TAPBP: variants seen among roughly 807,000 people sequenced by gnomAD.
TAPBP encodes tapasin.
TAPBP carries 38 observed loss-of-function variants against 45.7 expected under a neutral mutation model. That is an observed-to-expected ratio of 0.83 (90% CI 0.64 to 1.09). The LOEUF (loss-of-function observed/expected upper bound fraction) is 1.09. Among genes scored for constraint, TAPBP ranks in the 50% least tolerant of loss-of-function variants. The pLI is 0.00. For synonymous variants in TAPBP, 226 were observed against 254.8 expected (o/e 0.89, Z 1.08); for missense variants, 513 against 587.3 (o/e 0.87, Z 1.31).
chr6:33,313,640 G>C lies in TAPBP; in HGVS notation c.208+54C>G. On this transcript the variant is annotated intron_variant, in intron 2 of 7. Coordinates refer to ENST00000434618, the MANE Select transcript of TAPBP (RefSeq NM_003190.5). This position sits in a 1 kb window ranked among gnomAD's most constrained non-coding sequence, Gnocchi z 7.2. ...GTCACTGCCGGATCTAAAGAGGAGG[G>C]GGTTTCGGTGGAGGCGACAGAGGTA... 1.9e-6 allele frequency: 3 copies of C among 1,579,340 alleles called. No homozygotes were observed. Among genetic ancestry groups the C allele is most frequent in the South Asian group, 2.3e-5 (2 of 87,360 alleles).
chr6:33,313,675 C>T lies in TAPBP; in HGVS notation c.208+19G>A. 1.3e-6 allele frequency: 2 copies of T among 1,598,096 alleles called. No individual in the cohort carries two copies. Among genetic ancestry groups the T allele is most frequent in the Non-Finnish European group, 1.7e-6 (2 of 1,168,876 alleles). On this transcript the variant is annotated intron_variant, in intron 2 of 7. Transcript: ENST00000434618. This position sits in a 1 kb window ranked among gnomAD's most constrained non-coding sequence, Gnocchi z 7.2. ...GGAGGCGACAGAGGTAGGGGGGCGG[C>T]GAGTCCCTAGAGACTCACCGTGTAC...
rs3173275 is a variant in TAPBP at position 33,303,717 on chromosome 6, T to C, written c.1335+238A>G. 8.8e-3 allele frequency: 13,619 copies of C among 1,539,604 alleles called. 1,037 individuals carry two copies. In the African/African-American group the frequency reaches 0.16, roughly 18 times the overall value. On this transcript the variant is annotated intron_variant, in intron 7 of 7. Coordinates refer to ENST00000434618, the MANE Select transcript of TAPBP (RefSeq NM_003190.5). ...ATATGTGGCTTGCATTATCTTTCTA[T>C]TGGACAGCACTGCCTAAGTAACTTT...
chr6:33,313,180 A>C lies in TAPBP; in HGVS notation c.469+37T>G. ...CCACCGGCTGATCTGGACCCTTAGA[A>C]TCTACCCACCCTTCTCCACCTCCCC... is the stretch of plus-strand genomic sequence containing the variant. On this transcript the variant is annotated intron_variant, in intron 3 of 7. Transcript: ENST00000434618. The surrounding 1 kb of genome is among the most constrained non-coding windows in gnomAD (Gnocchi z 7.2). The C allele has an allele frequency of 6.3e-7, 1 of 1,580,320 alleles. No individual in the cohort carries two copies. The highest frequency in any genetic ancestry group is 8.6e-7 in the Non-Finnish European group (1 of 1,157,438).
chr6:33,304,252 C>G, intron 5 of TAPBP, 35 bp from the exon 6 acceptor site: 2 of 1,608,796 alleles, frequency 1.2e-6, no homozygotes, highest in East Asian at 4.5e-5. Context: ...GAGCTCCTGT[C>G]TTCCTGGGTG....
At chr6:33,311,536 G>A (rs1229785361) in intron 3 of TAPBP, among the ~76,000 whole-genome samples, 1 of 152,054 alleles carries the variant, frequency 6.6e-6, no homozygotes, top group Non-Finnish European at 1.5e-5. Context: ...GCTGAGGCAG[G>A]AGAATTGCTT....
In TAPBP at chr6:33,313,547, G is replaced by A. The variant is rs1277023939; in HGVS notation, c.209-70C>T. ...AAAGGGGCTGGAAGGGCAGCGTTCG[G>A]GGAACTTCAAATGCACAGACTACCC... is the stretch of plus-strand genomic sequence containing the variant. On this transcript the variant is annotated intron_variant, in intron 2 of 7. Coordinates refer to ENST00000434618, the MANE Select transcript of TAPBP (RefSeq NM_003190.5). The surrounding 1 kb of genome is among the most constrained non-coding windows in gnomAD (Gnocchi z 7.2). 1 of 1,510,440 alleles carries A rather than the reference G, an allele frequency of 6.6e-7. No homozygotes were observed. Among genetic ancestry groups the A allele is most frequent in the Non-Finnish European group, 8.9e-7 (1 of 1,127,030 alleles). 93.6% of individuals were successfully genotyped at this position (1,510,440 alleles called of 1,614,324 possible). A position where few individuals can be genotyped will look rare whatever the true frequency, so the allele number is the denominator to read the frequency against.
rs1217830434 is a variant in TAPBP at position 33,313,953 on chromosome 6, C to T, written c.37+52G>A. 3 of 1,613,506 alleles carry T rather than the reference C, an allele frequency of 1.9e-6. No individual in the cohort carries two copies. The highest frequency in any genetic ancestry group is 1.3e-5 in the African/African-American group (1 of 74,920). ...CTGGCATCGGCTCCAGTGGGGCCAC[C>T]TCCCTCCGCTTCCCTCTAGTTCTTG... On this transcript the variant is annotated intron_variant, in intron 1 of 7. Coordinates refer to ENST00000434618, the MANE Select transcript of TAPBP (RefSeq NM_003190.5). The surrounding 1 kb of genome is among the most constrained non-coding windows in gnomAD (Gnocchi z 7.2).
intron 3 of TAPBP, among the ~76,000 whole-genome samples, chr6:33,309,312 G>A (rs1769177550): frequency 1.3e-5 from 2 of 151,936 alleles, no homozygotes; most frequent in Admixed American, 1.3e-4. Flanking sequence ...TTGAACCTGG[G>A]AGGCGGAGGT....
rs768120968 is a variant in TAPBP at position 33,313,409 on chromosome 6, T to C, written c.277A>G (p.Met93Val). 8.7e-6 allele frequency: 14 copies of C among 1,609,506 alleles called. No individual in the cohort carries two copies. In the Admixed American group the frequency reaches 1.8e-4, roughly 21 times the overall value. ...GCGGGGAGAGGCACGAAGCGGCTCATCTCGCAGTGTGGTGCGGGGGCGCCC... is the reference window on the plus strand; with the variant it reads ...GCGGGGAGAGGCACGAAGCGGCTCACCTCGCAGTGTGGTGCGGGGGCGCCC... ...PRGAPAPHCE[M>V]SRFVPLPASA... Residue 93 changes from methionine (M) to valine (V), a missense_variant, in exon 3 of 8, where the codon ATG becomes GTG. Physicochemically the swap from Met to Val is conservative, Grantham distance 21. Coordinates refer to ENST00000434618, the MANE Select transcript of TAPBP (RefSeq NM_003190.5). The surrounding 1 kb of genome is among the most constrained non-coding windows in gnomAD (Gnocchi z 7.2).
In TAPBP at chr6:33,303,958, C is replaced by T; in HGVS notation, c.1332G>A (p.Lys444=). The part of the protein sequence containing the change: ...AVYLSTCKDS[K]KKAE The stretch of plus-strand genomic sequence containing the variant: ...ACAGAGAGGTGGAGCACTGTACCTT[C>T]TTTGAATCCTTGCAGGTGGACAGGT... Residue 444 remains lysine (K), a synonymous_variant, in exon 7 of 8, where the codon AAG becomes AAA. Transcript: ENST00000434618. 1 of 1,613,912 alleles carries T rather than the reference C, an allele frequency of 6.2e-7. No homozygotes were observed.
chr6:33,308,587 A>C (rs1769129092), intron 3 of TAPBP, among the ~76,000 whole-genome samples: 1 of 152,112 alleles, frequency 6.6e-6, no homozygotes, highest in South Asian at 2.1e-4. Flanking sequence ...AGGTCCCTTC[A>C]GTTTACATTG....
At chr6:33,309,246 A>G (rs1295330850) in intron 3 of TAPBP, among the ~76,000 whole-genome samples, 1 of 152,100 alleles carries the variant, frequency 6.6e-6, no homozygotes, top group African/African-American at 2.4e-5. Context: ...TTATCCGGGC[A>G]TGGTGGCACA....
Position 33,313,065 on chromosome 6 carries a change from G to T in TAPBP, c.469+152C>A. 1.3e-6 allele frequency: 1 copy of T among 791,382 alleles called. No individual in the cohort carries two copies. The highest frequency in any genetic ancestry group is 2.1e-5 in the South Asian group (1 of 47,184). The allele number at this position is 791,382 out of a possible 1,614,324, so 49.0% of individuals were successfully genotyped here. A position where few individuals can be genotyped will look rare whatever the true frequency, so the allele number is the denominator to read the frequency against. On this transcript the variant is annotated intron_variant, in intron 3 of 7. Transcript: ENST00000434618. This position sits in a 1 kb window ranked among gnomAD's most constrained non-coding sequence, Gnocchi z 7.2. ...AGGGCTAGAAGGAGCGGTAGAGATTGATTCATTCTAGCCAAACCACCTCTC... is the reference window on the plus strand; with the variant it reads ...AGGGCTAGAAGGAGCGGTAGAGATTTATTCATTCTAGCCAAACCACCTCTC...
chr6:33,301,722 A>G lies in TAPBP; in HGVS notation c.*38T>C. 6.3e-7 allele frequency: 1 copy of G among 1,592,540 alleles called. No homozygotes were observed. Among genetic ancestry groups the G allele is most frequent in the Non-Finnish European group, 8.6e-7 (1 of 1,160,530 alleles). The stretch of plus-strand genomic sequence containing the variant: ...GAGCTACTACAGAAGCTTGGGCCAG[A>G]GATGATGGTGGCTTCCACAGGATGG... On this transcript the variant is annotated 3_prime_UTR_variant, in exon 8 of 8. Coordinates refer to ENST00000434618, the MANE Select transcript of TAPBP (RefSeq NM_003190.5).
rs1768582727 is a variant in TAPBP at position 33,301,545 on chromosome 6, G to T, written c.*215C>A. The stretch of plus-strand genomic sequence containing the variant: ...GCCAAGATCATGCCACTGCACTGCA[G>T]CCTGGGCGGAAGAGTGAGACTCCGT... On this transcript the variant is annotated 3_prime_UTR_variant, in exon 8 of 8. Coordinates refer to ENST00000434618, the MANE Select transcript of TAPBP (RefSeq NM_003190.5). 7 of 577,052 alleles carry T rather than the reference G, an allele frequency of 1.2e-5. No individual in the cohort carries two copies. Among genetic ancestry groups the T allele is most frequent in the Non-Finnish European group, 1.8e-5 (6 of 330,566 alleles). 35.7% of individuals were successfully genotyped at this position (577,052 alleles called of 1,614,324 possible).
chr6:33,304,932 G>T, intron 4 of TAPBP, 57 bp downstream of exon 4: 1 of 1,591,370 alleles, frequency 6.3e-7, no homozygotes, highest in Non-Finnish European at 8.6e-7. Flanking sequence ...CCCTATTACG[G>T]TCCCCACAAT....
intron 7 of TAPBP, chr6:33,303,576 C>G: frequency 1.4e-6 from 1 of 711,304 alleles, no homozygotes; most frequent in Non-Finnish European, 2.2e-6. Flanking sequence ...CACTTCTGAC[C>G]CAAGCATTTC....
intron 7 of TAPBP, 61 bp downstream of exon 7, chr6:33,303,894 T>C (rs776147233): frequency 3.3e-5 from 53 of 1,613,768 alleles, no homozygotes; most frequent in Non-Finnish European, 3.7e-5. Flanking sequence ...TCCATGGGTT[T>C]TGAGATAGGA....
chr6:33,311,366 A>C (rs1769328837), intron 3 of TAPBP, among the ~76,000 whole-genome samples: 1 of 152,170 alleles, frequency 6.6e-6, no homozygotes, highest in African/African-American at 2.4e-5. Context: ...GCAGTGGCTC[A>C]CGCTTGTAAT....
Sources: allele counts gnomAD v4.1 joint callset (sites outside exome capture counted in the v4.1 genomes callset), GRCh38; gene constraint gnomAD v4.1.1; non-coding constraint Gnocchi (gnomAD v3.1); transcripts MANE v1.5; gene names NCBI Gene and HGNC (gene_info 2026-07-23, HGNC 2026-07-21).